TOP2B: variants seen among roughly 807,000 people sequenced by gnomAD.
TOP2B encodes DNA topoisomerase 2-beta.
A neutral mutation model predicts 193.5 loss-of-function variants in TOP2B; 51 were observed. That is an observed-to-expected ratio of 0.26 (90% CI 0.21 to 0.33). The LOEUF is 0.33. Among genes scored for constraint, TOP2B ranks in the 10% least tolerant of loss-of-function variants. TOP2B has a pLI of 1.00. For missense variants in TOP2B, 1,378 were observed against 1,909.3 expected (o/e 0.72, Z 5.19); for synonymous variants, 634 against 635.7 (o/e 1.00, Z 0.04).
At chr3:25,634,215 C>T (rs921544032) in intron 7 of TOP2B, among the ~76,000 whole-genome samples, 3 of 151,810 alleles carry the variant, frequency 2.0e-5, no homozygotes, top group Admixed American at 2.0e-4. Context: ...GTGTACTTGA[C>T]AAAAAGAGGA....
chr3:25,640,466 T>C (rs1703225386), intron 4 of TOP2B, among the ~76,000 whole-genome samples: 2 of 152,066 alleles, frequency 1.3e-5, no homozygotes, highest in South Asian at 4.1e-4. Context: ...AATAATTTTC[T>C]AGCAGAAGCA....
chr3:25,600,150 C>T (rs1702052409), intron 34 of TOP2B, among the ~76,000 whole-genome samples: 2 of 152,010 alleles, frequency 1.3e-5, no homozygotes, highest in Non-Finnish European at 2.9e-5. Flanking sequence ...TTTTTTTTCA[C>T]CTACCTAACC....
chr3:25,599,439 CTTG>C lies in TOP2B; in HGVS notation c.4703_4705del (p.Thr1568del), dbSNP rs764637982. 6.1e-5 allele frequency: 98 copies of C among 1,612,916 alleles called. No homozygotes were observed. The highest frequency in any genetic ancestry group is 1.9e-4 in the South Asian group (17 of 90,872). On this transcript the variant is annotated inframe_deletion, in exon 35 of 36. Coordinates refer to ENST00000264331, the MANE Select transcript of TOP2B (RefSeq NM_001330700.2). ...TGCAATGATGTTCCCGGTTACCTTG[CTTG>C]TTGTTTTGGATGTTTTCCTGCCAGG...
At chr3:25,626,033 A>T (rs1702792342) in intron 18 of TOP2B, among the ~76,000 whole-genome samples, 1 of 152,190 alleles carries the variant, frequency 6.6e-6, no homozygotes, top group African/African-American at 2.4e-5. Flanking sequence ...AGCAATACAA[A>T]GATCAACAAA....
chr3:25,660,334 T>C (rs1389736035), intron 1 of TOP2B, among the ~76,000 whole-genome samples: 3 of 152,198 alleles, frequency 2.0e-5, no homozygotes, highest in African/African-American at 7.2e-5. Context: ...AAATACATGC[T>C]CTCTAACTTC....
intron 15 of TOP2B, among the ~76,000 whole-genome samples, chr3:25,628,446 A>C (rs1433676593): frequency 6.6e-6 from 1 of 152,232 alleles, no homozygotes; most frequent in African/African-American, 2.4e-5. Context: ...ACTGCACTCC[A>C]GCCTGGGTGA....
Position 25,620,047 on chromosome 3 carries a change from C to T in TOP2B, c.2878G>A (p.Val960Ile), listed in dbSNP as rs1702617785. ...GTTCCATTTAGCATAGGTTCTAAAACCTGTTCTTTATATACCTATAAAGAT... is the reference window on the plus strand; with the variant it reads ...GTTCCATTTAGCATAGGTTCTAAAATCTGTTCTTTATATACCTATAAAGAT... ...RTWTQVYKEQ[V>I]LEPMLNGTDK... The change falls in exon 23 of 36, where the codon GTT becomes ATT. Residue 960 changes from valine to isoleucine, a missense_variant. Val to Ile is a conservative substitution (Grantham distance 29). This residue lies in a region of TOP2B where 379 missense variants were observed against 615.1 expected (regional missense o/e 0.62). Coordinates refer to ENST00000264331, the MANE Select transcript of TOP2B (RefSeq NM_001330700.2). The T allele has an allele frequency of 1.3e-6, 2 of 1,528,670 alleles. No homozygotes were observed. The highest frequency in any genetic ancestry group is 2.0e-5 in the Admixed American group (1 of 51,274). The allele number at this position is 1,528,670 out of a possible 1,614,324, so 94.7% of individuals were successfully genotyped here. A position where few individuals can be genotyped will look rare whatever the true frequency, so the allele number is the denominator to read the frequency against.
In TOP2B at chr3:25,634,359, C is replaced by T. The variant is rs554173967; in HGVS notation, c.853-345G>A. Among the ~76,000 whole-genome samples the T allele has an allele frequency of 8.6e-5, 13 of 152,028 alleles. No homozygotes were observed. In the East Asian group the frequency reaches 2.5e-3, roughly 29 times the overall value. ...AAAAGCTTCCATCCTTGTAAGAAAA[C>T]GGGTGATCAGACAACAAATTAATGG... On this transcript the variant is annotated intron_variant, in intron 7 of 35. Coordinates refer to ENST00000264331, the MANE Select transcript of TOP2B (RefSeq NM_001330700.2).
intron 31 of TOP2B, among the ~76,000 whole-genome samples, chr3:25,606,733 G>A (rs1218677602): frequency 6.6e-6 from 1 of 152,124 alleles, no homozygotes; most frequent in Non-Finnish European, 1.5e-5. Flanking sequence ...GCCAAATTTA[G>A]GGAAGAAACA....
chr3:25,649,085 A>C (rs1212404129), intron 1 of TOP2B, among the ~76,000 whole-genome samples: 1 of 152,264 alleles, frequency 6.6e-6, no homozygotes, highest in East Asian at 1.9e-4. Flanking sequence ...TGAAGCATAC[A>C]GTAAATGAAT....
rs62235708 is a variant in TOP2B at position 25,658,249 on chromosome 3, A to T, written c.69+5980T>A. Among the ~76,000 whole-genome samples the T allele has an allele frequency of 9.2e-3, 1,386 of 150,890 alleles. 10 individuals are homozygous for T. The highest frequency in any genetic ancestry group is 0.045 in the South Asian group (217 of 4,796). On this transcript the variant is annotated intron_variant, in intron 1 of 35. Transcript: ENST00000264331. ...TCCATCTCAAAAAATATATAATAAT[A>T]ATTATTATTATTATTTACCAAAAGC... is the stretch of plus-strand genomic sequence containing the variant.
chr3:25,658,353 T>C (rs1455692741), intron 1 of TOP2B, among the ~76,000 whole-genome samples: 1 of 151,964 alleles, frequency 6.6e-6, no homozygotes, highest in Non-Finnish European at 1.5e-5. Context: ...TGCCTTAATT[T>C]ATGTGAACAA....
At chr3:25,625,736 G>A (rs1340411254) in intron 18 of TOP2B, among the ~76,000 whole-genome samples, 2 of 152,210 alleles carry the variant, frequency 1.3e-5, no homozygotes, top group African/African-American at 4.8e-5. Context: ...AATAAGCACA[G>A]TAACAATCTT....
chr3:25,664,041 TAC>T (rs1237235017), intron 1 of TOP2B, among the ~76,000 whole-genome samples, 186 bp downstream of exon 1: 1 of 151,968 alleles, frequency 6.6e-6, no homozygotes, highest in African/African-American at 2.4e-5. Context: ...TCCAGAGACG[TAC>T]AGAGAAAGAA....
chr3:25,644,988 T>G (rs1389456966), intron 2 of TOP2B, among the ~76,000 whole-genome samples: 1 of 151,406 alleles, frequency 6.6e-6, no homozygotes, highest in African/African-American at 2.4e-5. Flanking sequence ...TTTTTTGTAT[T>G]TTTATTAGAG....
chr3:25,602,897 T>C (rs971992901), intron 33 of TOP2B, among the ~76,000 whole-genome samples: 1 of 152,202 alleles, frequency 6.6e-6, no homozygotes, highest in African/African-American at 2.4e-5. Context: ...CAGAGGGATA[T>C]GATGCATCCT....
intron 1 of TOP2B, among the ~76,000 whole-genome samples, chr3:25,648,131 T>C (rs911156848): frequency 6.6e-6 from 1 of 152,230 alleles, no homozygotes; most frequent in Non-Finnish European, 1.5e-5. Flanking sequence ...TAGAAACTTC[T>C]TGACTGAATC....
At chr3:25,623,882 C>T (rs564939327) in intron 20 of TOP2B, 136 bp from the exon 21 acceptor site, 92 of 647,304 alleles carry the variant, frequency 1.4e-4, no homozygotes, top group African/African-American at 6.2e-4. Context: ...TGATTACATC[C>T]GCTTAATAAT....
intron 1 of TOP2B, among the ~76,000 whole-genome samples, chr3:25,657,357 C>G (rs895323864): frequency 6.6e-6 from 1 of 152,104 alleles, no homozygotes; most frequent in Non-Finnish European, 1.5e-5. Context: ...CCACCTTTGG[C>G]CTTAGAAGAG....
Sources: gnomAD v4.1 joint callset for allele counts (sites outside exome capture counted in the v4.1 genomes callset) on GRCh38, gnomAD v4.1.1 for gene constraint, gnomAD v4.1.1 regional missense constraint, MANE v1.5 for transcripts, NCBI Gene and HGNC (gene_info 2026-07-23, HGNC 2026-07-21) for gene names.